ADGRL2: variants seen among roughly 807,000 people sequenced by gnomAD.
ADGRL2 encodes calcium-independent alpha-latrotoxin receptor 2.
Under a neutral mutation model 157.4 loss-of-function variants are expected in ADGRL2, and 44 were observed. The observed-to-expected ratio is 0.28, with a 90% confidence interval of 0.22 to 0.36. ADGRL2 has a LOEUF of 0.36. ADGRL2 is among the 10% of genes least tolerant of loss of function. ADGRL2 has a pLI of 1.00. For synonymous variants in ADGRL2, 585 were observed against 624.7 expected (o/e 0.94, Z 0.95); for missense variants, 1,510 against 1,768.9 (o/e 0.85, Z 2.63).
intron 1 of ADGRL2, among the ~76,000 whole-genome samples, chr1:81,338,844 G>A (rs1391604262): frequency 6.6e-6 from 1 of 152,144 alleles, no homozygotes; most frequent in Non-Finnish European, 1.5e-5. Context: ...CAAGTTTATG[G>A]TACAGCCTCT....
intron 3 of ADGRL2, among the ~76,000 whole-genome samples, chr1:81,677,152 A>C (rs139451273): frequency 3.4e-4 from 52 of 152,006 alleles, no homozygotes; most frequent in African/African-American, 1.1e-3. Context: ...CGCCTGGCTA[A>C]TTTTGTATTT....
In ADGRL2 at chr1:81,562,516, G is replaced by A. The variant is rs1347082163; in HGVS notation, c.-247-18360G>A. Among the ~76,000 whole-genome samples the A allele has an allele frequency of 5.3e-5, 8 of 152,164 alleles. No homozygotes were observed. In the East Asian group the frequency reaches 1.5e-3, roughly 29 times the overall value. On this transcript the variant is annotated intron_variant, in intron 2 of 24. Transcript: ENST00000370721. Reference sequence around the variant, plus strand: ...ATTTAAAATGTTCTTATAAATGTAAGTAAATTTTATTTGTTTCTACTTAGC... The same window carrying A: ...ATTTAAAATGTTCTTATAAATGTAAATAAATTTTATTTGTTTCTACTTAGC...
intron 1 of ADGRL2, among the ~76,000 whole-genome samples, chr1:81,741,316 G>GA (rs1314960132): frequency 6.6e-6 from 1 of 151,866 alleles, no homozygotes; most frequent in South Asian, 2.1e-4. Context: ...CTTATTTTTA[G>GA]AAAACCTACT....
chr1:81,504,764 G>A (rs975550160), intron 2 of ADGRL2, among the ~76,000 whole-genome samples: 5 of 152,232 alleles, frequency 3.3e-5, no homozygotes, highest in African/African-American at 1.2e-4. Context: ...GCTGACCAGG[G>A]AGGCAGAGGA....
chr1:81,561,082 A>T (rs1449795024), intron 2 of ADGRL2, among the ~76,000 whole-genome samples: 2 of 151,948 alleles, frequency 1.3e-5, no homozygotes, highest in Non-Finnish European at 2.9e-5. Flanking sequence ...AAGACCTACC[A>T]TTACCTCCTC....
At chr1:81,956,146 C>T in intron 11 of ADGRL2, 86 bp downstream of exon 11, 1 of 995,304 alleles carries the variant, frequency 1.0e-6, no homozygotes, top group Non-Finnish European at 1.4e-6. Flanking sequence ...TCTGTTATTT[C>T]CCAGTGCTGT....
intron 2 of ADGRL2, among the ~76,000 whole-genome samples, chr1:81,867,329 G>T (rs1466855561): frequency 6.6e-6 from 1 of 152,120 alleles, no homozygotes. Flanking sequence ...GAACCCCATG[G>T]GAAAAAAGGA....
chr1:81,750,975 A>G (rs1043898910), intron 1 of ADGRL2, among the ~76,000 whole-genome samples: 5 of 152,130 alleles, frequency 3.3e-5, no homozygotes, highest in Non-Finnish European at 7.4e-5. Context: ...TAACATTCTC[A>G]TCTAAAAGAA....
At chr1:81,351,287 C>T (rs1472509528) in intron 1 of ADGRL2, among the ~76,000 whole-genome samples, 1 of 151,056 alleles carries the variant, frequency 6.6e-6, no homozygotes, top group Non-Finnish European at 1.5e-5. Context: ...GTTTTTAAAA[C>T]TGCTGGTAAC....
At chr1:81,450,313 A>C (rs2077680256) in intron 2 of ADGRL2, among the ~76,000 whole-genome samples, 1 of 152,232 alleles carries the variant, frequency 6.6e-6, no homozygotes, top group Non-Finnish European at 1.5e-5. Flanking sequence ...TGCCAATGAC[A>C]ATAATCATAA....
At chr1:81,585,590 A>G (rs953111555) in intron 3 of ADGRL2, among the ~76,000 whole-genome samples, 3 of 152,122 alleles carry the variant, frequency 2.0e-5, no homozygotes, top group African/African-American at 7.2e-5. Flanking sequence ...TGGCCCTTCT[A>G]GAATCCCTGA....
chr1:81,741,328 G>GT (rs1356307670), intron 1 of ADGRL2, among the ~76,000 whole-genome samples: 7 of 151,480 alleles, frequency 4.6e-5, no homozygotes, highest in Admixed American at 4.6e-4. Context: ...AAACCTACTG[G>GT]GCAGTATATT....
At chr1:81,813,978 G>A (rs922627852) in intron 1 of ADGRL2, among the ~76,000 whole-genome samples, 1 of 151,568 alleles carries the variant, frequency 6.6e-6, no homozygotes, top group South Asian at 2.1e-4. Flanking sequence ...TAAATTTGAA[G>A]GTAGACTACT....
chr1:81,371,706 T>C (rs2076163271), intron 1 of ADGRL2, among the ~76,000 whole-genome samples: 1 of 152,176 alleles, frequency 6.6e-6, no homozygotes, highest in Non-Finnish European at 1.5e-5. Context: ...ACAGAGGCCA[T>C]TTTTCAGAAA....
chr1:81,447,941 G>A (rs1006422426), intron 2 of ADGRL2, among the ~76,000 whole-genome samples: 1 of 151,624 alleles, frequency 6.6e-6, no homozygotes, highest in Admixed American at 6.6e-5. Flanking sequence ...CAGGAGATCT[G>A]GTTGTTTAAA....
chr1:81,792,044 T>C (rs1478273279), intron 2 of ADGRL2, among the ~76,000 whole-genome samples: 1 of 152,202 alleles, frequency 6.6e-6, no homozygotes, highest in African/African-American at 2.4e-5. Context: ...TCTCCTTTGT[T>C]TCCACAGATG....
intron 1 of ADGRL2, among the ~76,000 whole-genome samples, chr1:81,310,620 A>G (rs1317289815): frequency 2.6e-5 from 4 of 152,172 alleles, no homozygotes; most frequent in Non-Finnish European, 4.4e-5. Flanking sequence ...CACAACCTCT[A>G]TCTGCTGGCA....
At chr1:81,506,943 G>C (rs1557743231) in intron 2 of ADGRL2, among the ~76,000 whole-genome samples, 1 of 152,144 alleles carries the variant, frequency 6.6e-6, no homozygotes, top group Non-Finnish European at 1.5e-5. Flanking sequence ...CACTGTTCTA[G>C]GTCCTGGGGA....
At chr1:81,461,930 AGG>A (rs71693648) in intron 2 of ADGRL2, among the ~76,000 whole-genome samples, 9,695 of 67,452 alleles carry the variant, frequency 0.14, 643 homozygotes, top group Middle Eastern at 0.31. Flanking sequence ...AAAAGAAGAA[AGG>A]GGGGGGGGGG....
Sources: gnomAD v4.1 joint callset for allele counts (sites outside exome capture counted in the v4.1 genomes callset) on GRCh38, gnomAD v4.1.1 for gene constraint, MANE v1.5 for transcripts, NCBI Gene and HGNC (gene_info 2026-07-23, HGNC 2026-07-21) for gene names.